FHAD1: variants seen among roughly 807,000 people sequenced by gnomAD.
FHAD1 encodes forkhead-associated domain-containing protein 1.
A neutral mutation model predicts 191.3 loss-of-function variants in FHAD1; 146 were observed. The ratio of observed to expected loss-of-function variants is 0.76; its 90% CI spans 0.67 to 0.88. FHAD1 has a LOEUF of 0.88. Ranked by LOEUF, FHAD1 falls within the 40% of genes least tolerant of loss-of-function variation. The pLI, the probability that FHAD1 is intolerant of heterozygous loss-of-function variation, is 0.00. For synonymous variants in FHAD1, 616 were observed against 672.3 expected, an observed-to-expected ratio of 0.92 and a Z score of 1.29; for missense variants, 1,635 against 1,785.8, an observed-to-expected ratio of 0.92 and a Z score of 1.52.
chr1:15,270,602 T>C (rs996052714), intron 2 of FHAD1, among the ~76,000 whole-genome samples: 2 of 152,216 alleles, frequency 1.3e-5, no homozygotes, highest in African/African-American at 2.4e-5. Context: ...ATATAAGCTC[T>C]AGGTTGTTAT....
intron 25 of FHAD1, 57 bp from the exon 26 acceptor site, chr1:15,369,313 G>A: frequency 5.8e-6 from 9 of 1,542,326 alleles, no homozygotes; most frequent in Non-Finnish European, 7.9e-6. Flanking sequence ...TCCAATGAGT[G>A]TAAAAGTAAT....
chr1:15,333,435 T>C (rs1188100210), intron 14 of FHAD1, among the ~76,000 whole-genome samples: 1 of 152,192 alleles, frequency 6.6e-6, no homozygotes, highest in East Asian at 1.9e-4. Context: ...AGGACTTATA[T>C]TCTAGATACG....
Position 15,325,415 on chromosome 1 carries a change from G to A in FHAD1, c.1473+856G>A, listed in dbSNP as rs1162173093. 1 of 152,346 alleles carries A rather than the reference G, an allele frequency of 6.6e-6. No homozygotes were observed. Among genetic ancestry groups the A allele is most frequent in the Non-Finnish European group, 1.5e-5 (1 of 68,250 alleles). The allele number at this position is 152,346 out of a possible 1,614,324, so 9.4% of individuals were successfully genotyped here. Reference sequence around the variant, plus strand: ...GAGGGTCTGTGAACTACCAAGAAAGGTTAAAAGCCAGGATCTCTCAAACCA... The same window carrying A: ...GAGGGTCTGTGAACTACCAAGAAAGATTAAAAGCCAGGATCTCTCAAACCA... On this transcript the variant is annotated intron_variant, in intron 11 of 33. Transcript: ENST00000688493. The surrounding 1 kb of genome is among the most constrained non-coding windows in gnomAD (Gnocchi z 4.6).
At chr1:15,275,191 T>C (rs1657833380) in intron 3 of FHAD1, among the ~76,000 whole-genome samples, 1 of 152,136 alleles carries the variant, frequency 6.6e-6, no homozygotes, top group Non-Finnish European at 1.5e-5. Flanking sequence ...CTCGATCTCC[T>C]GACCTCGTGA....
intron 20 of FHAD1, among the ~76,000 whole-genome samples, chr1:15,356,422 G>A (rs1214164271): frequency 6.6e-6 from 1 of 152,268 alleles, no homozygotes; most frequent in East Asian, 1.9e-4. Context: ...AGGATGAGGG[G>A]TGATCATCTG....
At chr1:15,399,296 G>A (rs1315054276), downstream of FHAD1, among the ~76,000 whole-genome samples, 2 of 152,156 alleles carry the variant, frequency 1.3e-5, no homozygotes, top group African/African-American at 4.8e-5. Context: ...GCCAGGCATG[G>A]TGGCTCACAT....
chr1:15,309,929 G>A (rs112976070), intron 7 of FHAD1, among the ~76,000 whole-genome samples: 5 of 152,294 alleles, frequency 3.3e-5, no homozygotes, highest in Admixed American at 6.5e-5. Context: ...ATCAACTGCC[G>A]GCGAGTGTGG....
intron 4 of FHAD1, among the ~76,000 whole-genome samples, chr1:15,292,030 CT>C (rs1664943694): frequency 6.6e-6 from 1 of 152,194 alleles, no homozygotes; most frequent in Non-Finnish European, 1.5e-5. Flanking sequence ...TAGATAAGCT[CT>C]GTTATGGCTG....
At chr1:15,360,305 G>A (rs886279077) in intron 21 of FHAD1, among the ~76,000 whole-genome samples, 173 bp from the exon 22 acceptor site, 5 of 152,244 alleles carry the variant, frequency 3.3e-5, no homozygotes, top group Non-Finnish European at 7.3e-5. Context: ...AGTCAAGAAG[G>A]AGTTGGCCAT....
intron 4 of FHAD1, among the ~76,000 whole-genome samples, chr1:15,294,046 T>C (rs1666041280): frequency 6.6e-6 from 1 of 152,144 alleles, no homozygotes; most frequent in Non-Finnish European, 1.5e-5. Context: ...TTCCACCGTG[T>C]TTCCCTGATG....
intron 19 of FHAD1, among the ~76,000 whole-genome samples, chr1:15,350,017 G>A (rs1690273095): frequency 6.6e-6 from 1 of 152,242 alleles, no homozygotes. Context: ...GGGCTTCGGG[G>A]ACAGAGGTGG....
chr1:15,301,493 G>T, intron 6 of FHAD1, 52 bp downstream of exon 6: 2 of 1,502,940 alleles, frequency 1.3e-6, no homozygotes, highest in Non-Finnish European at 1.8e-6. Flanking sequence ...GGCCCGGGAG[G>T]CCCCAGGACC....
intron 28 of FHAD1, among the ~76,000 whole-genome samples, chr1:15,379,437 G>A (rs867796224): frequency 3.9e-5 from 6 of 152,302 alleles, no homozygotes; most frequent in East Asian, 1.9e-4. Context: ...TAGATGGAAC[G>A]TACAATCGGG....
At chr1:15,269,910 GCT>G (rs1292429720) in intron 2 of FHAD1, among the ~76,000 whole-genome samples, 1 of 137,000 alleles carries the variant, frequency 7.3e-6, no homozygotes, top group East Asian at 2.1e-4. Flanking sequence ...ATTATTTATG[GCT>G]CTCTTTTTTT....
chr1:15,319,482 C>T (rs1303397262), intron 10 of FHAD1, among the ~76,000 whole-genome samples: 1 of 151,984 alleles, frequency 6.6e-6, no homozygotes, highest in Non-Finnish European at 1.5e-5. Context: ...TATTCTTGTC[C>T]AGGTGCAGTA....
chr1:15,281,692 C>CGGAGG (rs1660637430), intron 3 of FHAD1, among the ~76,000 whole-genome samples: 1 of 139,118 alleles, frequency 7.2e-6, no homozygotes, highest in South Asian at 2.2e-4. Context: ...ACCCAGGAGA[C>CGGAGG]GGAGGTTGCA....
chr1:15,391,030 C>T (rs1257203462), intron 32 of FHAD1, 180 bp from the exon 33 acceptor site: 6 of 274,606 alleles, frequency 2.2e-5, no homozygotes, highest in Non-Finnish European at 3.6e-5. Flanking sequence ...GCCCCCTTCT[C>T]GTTGAGAAAA....
intron 28 of FHAD1, among the ~76,000 whole-genome samples, chr1:15,376,594 C>T (rs1046936907): frequency 3.3e-5 from 5 of 152,156 alleles, no homozygotes; most frequent in African/African-American, 1.2e-4. Context: ...GCTGTGTGAC[C>T]TTGGGCAAGG....
intron 14 of FHAD1, among the ~76,000 whole-genome samples, chr1:15,331,734 G>GGCAGGCAA (rs542372531): frequency 6.6e-6 from 1 of 151,726 alleles, no homozygotes; most frequent in Non-Finnish European, 1.5e-5. Flanking sequence ...AAGGCAGGAA[G>GGCAGGCAA]GCAGGCAAGC....
Sources: gnomAD v4.1 joint callset for allele counts (sites outside exome capture counted in the v4.1 genomes callset) on GRCh38, gnomAD v4.1.1 for gene constraint, Gnocchi (gnomAD v3.1) non-coding constraint, MANE v1.5 for transcripts, NCBI Gene and HGNC (gene_info 2026-07-23, HGNC 2026-07-21) for gene names.